CLYBL: variants seen among roughly 807,000 people sequenced by gnomAD.
The protein encoded by CLYBL is citramalyl-CoA lyase, mitochondrial.
Under a neutral mutation model 38.9 loss-of-function variants are expected in CLYBL, and 31 were observed. The ratio of observed to expected loss-of-function variants is 0.80; its 90% CI spans 0.60 to 1.08. The LOEUF (loss-of-function observed/expected upper bound fraction) is 1.08. Ranked by LOEUF, CLYBL falls within the 50% of genes least tolerant of loss-of-function variation. The probability of loss-of-function intolerance (pLI) is 0.00; values close to 1 mark genes in which losing one functional copy is unlikely to be tolerated. For synonymous variants in CLYBL, 171 were observed against 158.6 expected, an observed-to-expected ratio of 1.08 and a Z score of -0.59; for missense variants, 434 against 411.6, an observed-to-expected ratio of 1.05 and a Z score of -0.47.
At chr13:99,768,192 C>CTTTA (rs2049307063) in intron 1 of CLYBL, among the ~76,000 whole-genome samples, 1 of 102,672 alleles carries the variant, frequency 9.7e-6, no homozygotes, top group African/African-American at 3.9e-5. Context: ...TTTTCTTTTT[C>CTTTA]TTTTTTTTTT....
chr13:99,687,929 C>A (rs752302634), intron 1 of CLYBL, among the ~76,000 whole-genome samples: 29 of 152,118 alleles, frequency 1.9e-4, no homozygotes, highest in Non-Finnish European at 7.4e-5. Context: ...ATGACTAAGC[C>A]CAGGAACAAT....
intron 7 of CLYBL, among the ~76,000 whole-genome samples, chr13:99,877,896 C>G (rs1436012794): frequency 6.6e-6 from 1 of 152,028 alleles, no homozygotes; most frequent in Non-Finnish European, 1.5e-5. Context: ...TCTTTTTATA[C>G]TGAATTTTAT....
chr13:99,863,183 G>A, intron 4 of CLYBL, 91 bp downstream of exon 4: 1 of 625,120 alleles, frequency 1.6e-6, no homozygotes, highest in Non-Finnish European at 2.7e-6. Context: ...TTCTTAAAAT[G>A]TGTTTCTAGA....
At chr13:99,860,023 T>C (rs77444501) in intron 3 of CLYBL, among the ~76,000 whole-genome samples, 1 of 152,210 alleles carries the variant, frequency 6.6e-6, no homozygotes, top group East Asian at 1.9e-4. Context: ...ACGAAACTGC[T>C]CACCTGCTGA....
chr13:99,882,094 A>C, intron 7 of CLYBL, among the ~76,000 whole-genome samples: 1 of 152,238 alleles, frequency 6.6e-6, no homozygotes, highest in Non-Finnish European at 1.5e-5. Flanking sequence ...TATAAATTAC[A>C]TTAAATATAA....
At chr13:99,757,017 C>G (rs1294032802) in intron 1 of CLYBL, among the ~76,000 whole-genome samples, 1 of 152,022 alleles carries the variant, frequency 6.6e-6, no homozygotes, top group Non-Finnish European at 1.5e-5. Flanking sequence ...TCACCTCAGC[C>G]TCAGGAGTAG....
intron 1 of CLYBL, among the ~76,000 whole-genome samples, chr13:99,678,395 A>G (rs754047738): frequency 6.6e-6 from 1 of 152,192 alleles, no homozygotes; most frequent in Non-Finnish European, 1.5e-5. Flanking sequence ...ACTTCTCACC[A>G]TGCCTTATTT....
chr13:99,751,455 A>T (rs1389359845), intron 1 of CLYBL, among the ~76,000 whole-genome samples: 1 of 152,110 alleles, frequency 6.6e-6, no homozygotes, highest in Non-Finnish European at 1.5e-5. Flanking sequence ...TCCTGACCTC[A>T]GGTGGTCCTC....
intron 2 of CLYBL, among the ~76,000 whole-genome samples, chr13:99,793,141 A>G (rs987456108): frequency 1.3e-5 from 2 of 152,060 alleles, no homozygotes; most frequent in Non-Finnish European, 2.9e-5. Context: ...CCATTTGGCT[A>G]ACTTTTAAAT....
chr13:99,647,440 C>T (rs1264920049), intron 1 of CLYBL, among the ~76,000 whole-genome samples: 3 of 151,912 alleles, frequency 2.0e-5, no homozygotes, highest in Admixed American at 6.6e-5. Flanking sequence ...CCGGCCCCGC[C>T]CCCCATCACA....
In CLYBL at chr13:99,644,187, G is replaced by A. The variant is rs148933232; in HGVS notation, c.62+37430G>A. Reference sequence around the variant, plus strand: ...GTGGTGTATGTATGTACATGTGTATGTATGTATATGTGGTGTATGTGTATA... The same window carrying A: ...GTGGTGTATGTATGTACATGTGTATATATGTATATGTGGTGTATGTGTATA... On this transcript the variant is annotated intron_variant, in intron 1 of 8. Transcript: ENST00000339105. Among the ~76,000 whole-genome samples, 3 of 111,370 alleles carry A rather than the reference G, an allele frequency of 2.7e-5. 1 individual carries two copies. Among genetic ancestry groups the A allele is most frequent in the African/African-American group, 1.3e-4 (3 of 22,680 alleles). 73.1% of individuals were successfully genotyped at this position (111,370 alleles called of 152,430 possible). A position where few individuals can be genotyped will look rare whatever the true frequency, so the allele number is the denominator to read the frequency against.
At chr13:99,785,978 TCCTC>T (rs1201581284) in intron 2 of CLYBL, among the ~76,000 whole-genome samples, 1 of 152,036 alleles carries the variant, frequency 6.6e-6, no homozygotes, top group East Asian at 1.9e-4. Flanking sequence ...GATTTATCAT[TCCTC>T]CCTCTCCACC....
chr13:99,615,784 C>T (rs750698977), intron 1 of CLYBL, among the ~76,000 whole-genome samples: 2 of 152,138 alleles, frequency 1.3e-5, no homozygotes, highest in African/African-American at 2.4e-5. Flanking sequence ...CCCCATCCTC[C>T]CTACCATAAA....
At chr13:99,877,675 C>T in intron 7 of CLYBL, 1 of 314,240 alleles carries the variant, frequency 3.2e-6, no homozygotes, top group Non-Finnish European at 6.0e-6. Context: ...CTCCCGGGTT[C>T]AAGTGATTCT....
intron 7 of CLYBL, among the ~76,000 whole-genome samples, chr13:99,872,869 C>T (rs12585649): frequency 2.0e-5 from 3 of 151,976 alleles, no homozygotes; most frequent in South Asian, 2.1e-4. Context: ...TCTTGAAAAG[C>T]GTTGTTCCCT....
At chr13:99,803,097 G>A (rs748490545) in intron 2 of CLYBL, among the ~76,000 whole-genome samples, 4 of 152,168 alleles carry the variant, frequency 2.6e-5, no homozygotes, top group Non-Finnish European at 5.9e-5. Flanking sequence ...AAACTCAAGG[G>A]CTAAGTCTGA....
At chr13:99,870,711 G>A (rs915539122) in intron 6 of CLYBL, among the ~76,000 whole-genome samples, 3 of 152,096 alleles carry the variant, frequency 2.0e-5, no homozygotes, top group Non-Finnish European at 4.4e-5. Context: ...CTATAGGATC[G>A]GAAACACAAT....
chr13:99,828,177 A>C (rs964354157), intron 2 of CLYBL, among the ~76,000 whole-genome samples: 2 of 152,252 alleles, frequency 1.3e-5, no homozygotes, highest in African/African-American at 4.8e-5. Context: ...TTCAAAAACT[A>C]GATGATGGGC....
rs187541781 is a variant in CLYBL, at chr13:99,821,024, A to T, written c.250-37837A>T. Among the ~76,000 whole-genome samples the T allele has an allele frequency of 7.2e-3, 1,100 of 152,338 alleles. 6 individuals are homozygous for T. The highest frequency in any genetic ancestry group is 0.011 in the Non-Finnish European group (726 of 68,038). ...ATGAGTGCCCATTCCATGTTAAATA[A>T]TTAGGTGATTTGTGTTTTAAATGCT... On this transcript the variant is annotated intron_variant, in intron 2 of 8. Coordinates refer to ENST00000339105, the MANE Select transcript of CLYBL (RefSeq NM_206808.5).
Sources: gnomAD v4.1 joint callset for allele counts (sites outside exome capture counted in the v4.1 genomes callset) on GRCh38, gnomAD v4.1.1 for gene constraint, MANE v1.5 for transcripts, NCBI Gene and HGNC (gene_info 2026-07-23, HGNC 2026-07-21) for gene names.